Variants in PHACTR3 observed in about 807,000 individuals in gnomAD.
The protein encoded by PHACTR3 is protein phosphatase 1, regulatory subunit 123.
In PHACTR3, 16 loss-of-function variants were observed where a neutral mutation model predicts 66.8. The observed-to-expected ratio is 0.24, with a 90% confidence interval of 0.16 to 0.36. The LOEUF (loss-of-function observed/expected upper bound fraction) is 0.36, where lower values mean the gene tolerates loss of function less well. Ranked by LOEUF, PHACTR3 falls within the 10% of genes least tolerant of loss-of-function variation. The pLI, the probability that PHACTR3 is intolerant of heterozygous loss-of-function variation, is 1.00. For synonymous variants in PHACTR3, 323 were observed against 292.1 expected, an observed-to-expected ratio of 1.11 and a Z score of -1.08; for missense variants, 647 against 719.9, an observed-to-expected ratio of 0.90 and a Z score of 1.16.
chr20:59,654,276 G>A (rs755718736), intron 1 of PHACTR3, among the ~76,000 whole-genome samples: 1 of 151,890 alleles, frequency 6.6e-6, no homozygotes, highest in Non-Finnish European at 1.5e-5. Flanking sequence ...TATATTTCAG[G>A]GTAACCAAAT....
chr20:59,735,533 T>A (rs1198595688), intron 1 of PHACTR3, among the ~76,000 whole-genome samples: 1 of 152,032 alleles, frequency 6.6e-6, no homozygotes, highest in Non-Finnish European at 1.5e-5. Context: ...AAGGATAAGA[T>A]AAGATATCTT....
Position 59,763,935 on chromosome 20 carries a change from G to A in PHACTR3, c.542-3251G>A, listed in dbSNP as rs182402918. On this transcript the variant is annotated intron_variant, in intron 4 of 12. Coordinates refer to ENST00000371015, the MANE Select transcript of PHACTR3 (RefSeq NM_080672.5). ...GCTGGGTGGAGATGCAGTGTTAAAG[G>A]TCATCTTTCATAAGTTTATTTTTCA... is the stretch of plus-strand genomic sequence containing the variant. Among the ~76,000 whole-genome samples, 9 of 152,322 alleles carry A rather than the reference G, an allele frequency of 5.9e-5. No individual in the cohort carries two copies. In the East Asian group the frequency reaches 1.7e-3, roughly 29 times the overall value.
intron 4 of PHACTR3, among the ~76,000 whole-genome samples, chr20:59,759,096 A>G (rs1444639972): frequency 6.6e-6 from 1 of 152,086 alleles, no homozygotes; most frequent in East Asian, 1.9e-4. Context: ...CTGCCTACAG[A>G]TGCTCCCAGA....
At chr20:59,632,978 T>C (rs1299304450) in intron 1 of PHACTR3, among the ~76,000 whole-genome samples, 3 of 152,136 alleles carry the variant, frequency 2.0e-5, no homozygotes, top group Non-Finnish European at 4.4e-5. Context: ...GCAGTGCTCT[T>C]GCTTTTGCAC....
intron 1 of PHACTR3, among the ~76,000 whole-genome samples, chr20:59,580,300 G>A (rs1253474972): frequency 1.3e-5 from 2 of 152,186 alleles, no homozygotes; most frequent in African/African-American, 4.8e-5. Context: ...TGTGATGCCA[G>A]ACCTCAAGAA....
chr20:59,675,286 C>T (rs929397731), intron 1 of PHACTR3, among the ~76,000 whole-genome samples: 1 of 151,816 alleles, frequency 6.6e-6, no homozygotes, highest in African/African-American at 2.4e-5. Flanking sequence ...CATATCACAC[C>T]ATCCCTGGGG....
chr20:59,578,008 T>C (rs1278854811), intron 1 of PHACTR3, among the ~76,000 whole-genome samples: 1 of 152,248 alleles, frequency 6.6e-6, no homozygotes, highest in Admixed American at 6.5e-5. Context: ...GGGGCAGCAG[T>C]TGGGATCGTA....
At chr20:59,785,863 T>C (rs74689876) in intron 7 of PHACTR3, among the ~76,000 whole-genome samples, 2 of 4,118 alleles carry the variant, frequency 4.9e-4, no homozygotes, top group Non-Finnish European at 2.5e-3. Flanking sequence ...CATCCCCTGC[T>C]TCTGCATCCC....
chr20:59,690,974 G>A (rs1318820016), intron 1 of PHACTR3, among the ~76,000 whole-genome samples: 1 of 152,152 alleles, frequency 6.6e-6, no homozygotes, highest in African/African-American at 2.4e-5. Flanking sequence ...TACAGGACTG[G>A]GAGAGGCTTT....
intron 8 of PHACTR3, among the ~76,000 whole-genome samples, chr20:59,817,505 G>GCTTTAAT (rs2041920078): frequency 6.6e-6 from 1 of 152,272 alleles, no homozygotes; most frequent in Non-Finnish European, 1.5e-5. Context: ...GAATGAGTAA[G>GCTTTAAT]ACCAATAGTA....
At chr20:59,617,307 CAT>C (rs2034062906) in intron 1 of PHACTR3, among the ~76,000 whole-genome samples, 1 of 152,142 alleles carries the variant, frequency 6.6e-6, no homozygotes, top group Admixed American at 6.5e-5. Context: ...CAAAGAGTTC[CAT>C]GATGGCTTCA....
At chr20:59,586,276 T>C (rs1468728032) in intron 1 of PHACTR3, among the ~76,000 whole-genome samples, 1 of 152,180 alleles carries the variant, frequency 6.6e-6, no homozygotes, top group East Asian at 1.9e-4. Flanking sequence ...CTTCACTGGA[T>C]GAGGTTTCTA....
At chr20:59,692,999 G>T (rs959555903) in intron 1 of PHACTR3, among the ~76,000 whole-genome samples, 1 of 152,130 alleles carries the variant, frequency 6.6e-6, no homozygotes, top group Non-Finnish European at 1.5e-5. Flanking sequence ...CATTATATAT[G>T]GTGCGTGGCT....
At chr20:59,733,283 G>A (rs556739024) in intron 1 of PHACTR3, among the ~76,000 whole-genome samples, 148 of 152,184 alleles carry the variant, frequency 9.7e-4, no homozygotes, top group African/African-American at 3.3e-3. Flanking sequence ...TAGGGGTGGA[G>A]GAGGTCAAAC....
At chr20:59,783,296 C>T (rs922965651) in intron 7 of PHACTR3, among the ~76,000 whole-genome samples, 1 of 152,146 alleles carries the variant, frequency 6.6e-6, no homozygotes, top group Admixed American at 6.5e-5. Flanking sequence ...GGTCTCAGGA[C>T]GACCTGGTGG....
At chr20:59,778,977 C>T (rs573059614) in intron 7 of PHACTR3, among the ~76,000 whole-genome samples, 40 of 152,354 alleles carry the variant, frequency 2.6e-4, no homozygotes, top group Non-Finnish European at 4.4e-4. Context: ...CTGTCTGCAC[C>T]GTGCAATGTG....
chr20:59,776,727 G>C (rs1046605448), intron 7 of PHACTR3, among the ~76,000 whole-genome samples: 8 of 109,836 alleles, frequency 7.3e-5, no homozygotes, highest in Non-Finnish European at 1.1e-4. Flanking sequence ...GCCCGGATAT[G>C]ACCTCAAAAC....
chr20:59,630,646 C>T (rs6070879), intron 1 of PHACTR3, among the ~76,000 whole-genome samples: 105,905 of 152,072 alleles, frequency 0.7, 37,219 homozygotes, highest in East Asian at 0.89. Flanking sequence ...GGGGAGACAC[C>T]GGGTGGTGCA....
intron 7 of PHACTR3, among the ~76,000 whole-genome samples, chr20:59,800,987 G>A (rs1418331067): frequency 1.3e-5 from 2 of 152,160 alleles, no homozygotes; most frequent in South Asian, 2.1e-4. Context: ...CCGGCCCTCC[G>A]TCTAGTGCCA....
Sources: gnomAD v4.1 joint callset for allele counts (sites outside exome capture counted in the v4.1 genomes callset) on GRCh38, gnomAD v4.1.1 for gene constraint, MANE v1.5 for transcripts, NCBI Gene and HGNC (gene_info 2026-07-23, HGNC 2026-07-21) for gene names.